GPC3: variants seen among roughly 807,000 people sequenced by gnomAD.
The protein encoded by GPC3 is glypican 3, also known as glypican-3.
A neutral mutation model predicts 34.4 loss-of-function variants in GPC3; 3 were observed. The ratio of observed to expected loss-of-function variants is 0.09; its 90% CI spans 0.04 to 0.23. The LOEUF is 0.23. Among genes scored for constraint, GPC3 ranks in the 10% least tolerant of loss-of-function variants. The probability of loss-of-function intolerance (pLI) is 1.00; values close to 1 mark genes in which losing one functional copy is unlikely to be tolerated. For synonymous variants in GPC3, 177 were observed against 174.0 expected, an observed-to-expected ratio of 1.02 and a Z score of -0.13; for missense variants, 351 against 445.6, an observed-to-expected ratio of 0.79 and a Z score of 1.91.
At chrX:133,642,980 AT>A (rs1261852573) in intron 6 of GPC3, among the ~76,000 whole-genome samples, 3 of 111,262 alleles carry the variant, frequency 2.7e-5, no homozygotes, top group Admixed American at 1.9e-4. Flanking sequence ...TAAGGAATTT[AT>A]TTCCCTAAGG....
At chrX:133,904,169 T>C (rs191775384) in intron 2 of GPC3, among the ~76,000 whole-genome samples, 27 of 112,206 alleles carry the variant, frequency 2.4e-4, no homozygotes, top group African/African-American at 8.7e-4. Context: ...TTTTAGTTCA[T>C]ACGTAATGAG....
chrX:133,888,037 T>C (rs759551586), intron 2 of GPC3, among the ~76,000 whole-genome samples: 1 of 109,982 alleles, frequency 9.1e-6, no homozygotes, highest in African/African-American at 3.3e-5. Context: ...ACCCGTCATC[T>C]ACATTAGGTA....
intron 1 of GPC3, among the ~76,000 whole-genome samples, chrX:133,968,444 G>C (rs1260175567): frequency 1.8e-5 from 2 of 112,077 alleles, no homozygotes; most frequent in African/African-American, 6.5e-5. Flanking sequence ...AGACTAACTG[G>C]GTTTGATTAA....
chrX:133,698,261 T>C (rs1415273147), intron 4 of GPC3, among the ~76,000 whole-genome samples: 2 of 111,817 alleles, frequency 1.8e-5, no homozygotes, highest in Admixed American at 9.5e-5. Context: ...GAAGATCTGA[T>C]TTCTTCTATT....
At chrX:133,791,836 CCTTCCTT>C (rs2072165205) in intron 2 of GPC3, among the ~76,000 whole-genome samples, 1 of 95,434 alleles carries the variant, frequency 1.0e-5, no homozygotes, top group African/African-American at 4.2e-5. Context: ...TTCCTTCCTT[CCTTCCTT>C]CCTTCCTCCC....
At chrX:133,744,791 AG>A (rs1473490329) in intron 3 of GPC3, among the ~76,000 whole-genome samples, 1 of 112,490 alleles carries the variant, frequency 8.9e-6, no homozygotes, top group Non-Finnish European at 1.9e-5. Flanking sequence ...GACTGGATAA[AG>A]AAAATGTGGT....
At chrX:133,570,323 T>TC (rs2069616788) in intron 7 of GPC3, among the ~76,000 whole-genome samples, 1 of 111,773 alleles carries the variant, frequency 8.9e-6, no homozygotes, top group Non-Finnish European at 1.9e-5. Flanking sequence ...TGCCTTGGCC[T>TC]CCCGAGTAGC....
chrX:133,963,851 C>T (rs1602565950), intron 1 of GPC3, among the ~76,000 whole-genome samples: 2 of 111,965 alleles, frequency 1.8e-5, no homozygotes, highest in East Asian at 5.6e-4. Context: ...AATTAATGAA[C>T]AAATATTAGT....
At chrX:133,857,748 A>G (rs2075911235) in intron 2 of GPC3, among the ~76,000 whole-genome samples, 1 of 111,597 alleles carries the variant, frequency 9.0e-6, no homozygotes, top group South Asian at 3.8e-4. Flanking sequence ...CACAAATCTC[A>G]CCATATGACA....
intron 3 of GPC3, among the ~76,000 whole-genome samples, chrX:133,749,839 G>A (rs1318591853): frequency 1.8e-5 from 2 of 111,164 alleles, no homozygotes; most frequent in East Asian, 5.7e-4. Flanking sequence ...CTTTTGCTTT[G>A]GGGCATTCTG....
Position 133,746,290 on chromosome X carries a change from A to C in GPC3, c.1032+7192T>G, listed in dbSNP as rs375894785. The stretch of plus-strand genomic sequence containing the variant: ...CCTGCCACATCAGTCCACTGACCAC[A>C]GAAAGGATGTAAAATTTCTCTCTAA... On this transcript the variant is annotated intron_variant, in intron 3 of 7. Coordinates refer to ENST00000370818, the MANE Select transcript of GPC3 (RefSeq NM_004484.4). Among the ~76,000 whole-genome samples the C allele has an allele frequency of 1.6e-4, 18 of 112,453 alleles. 1 individual carries two copies. In the South Asian group the frequency reaches 6.7e-3, roughly 42 times the overall value.
intron 2 of GPC3, among the ~76,000 whole-genome samples, chrX:133,920,369 T>A (rs1013327614): frequency 9.0e-6 from 1 of 111,355 alleles, no homozygotes; most frequent in Non-Finnish European, 1.9e-5. Flanking sequence ...AAGATCTTTT[T>A]AAAAGTTCAT....
chrX:133,687,587 A>AT (rs2071022803), intron 5 of GPC3, among the ~76,000 whole-genome samples: 2 of 106,438 alleles, frequency 1.9e-5, no homozygotes, highest in Non-Finnish European at 3.9e-5. Flanking sequence ...CACCCGGATA[A>AT]TTTTTTTAAA....
intron 7 of GPC3, among the ~76,000 whole-genome samples, chrX:133,559,494 A>C (rs189446019): frequency 2.1e-3 from 230 of 110,500 alleles, no homozygotes; most frequent in African/African-American, 7.2e-3. Flanking sequence ...AAGTACCAAA[A>C]CCCCCCGTAG....
intron 6 of GPC3, among the ~76,000 whole-genome samples, chrX:133,650,680 A>G (rs1028602830): frequency 9.0e-6 from 1 of 111,448 alleles, no homozygotes; most frequent in African/African-American, 3.3e-5. Context: ...TCTCCATTTC[A>G]GAAATTGATA....
intron 3 of GPC3, among the ~76,000 whole-genome samples, chrX:133,742,036 T>C (rs1227692747): frequency 8.9e-6 from 1 of 112,840 alleles, no homozygotes; most frequent in African/African-American, 3.2e-5. Flanking sequence ...AAGAGTTTTC[T>C]AGCGATAACT....
At chrX:133,666,046 G>T (rs1039057141) in intron 5 of GPC3, among the ~76,000 whole-genome samples, 1 of 111,612 alleles carries the variant, frequency 9.0e-6, no homozygotes, top group Non-Finnish European at 1.9e-5. Context: ...ATAGTGTAAA[G>T]ACATCTGCCA....
intron 2 of GPC3, among the ~76,000 whole-genome samples, chrX:133,891,799 C>CAA (rs780717414): frequency 1.8e-3 from 77 of 42,158 alleles, no homozygotes; most frequent in Admixed American, 4.2e-3. Flanking sequence ...GACCTTGTCT[C>CAA]AAAAAAAAAA....
intron 2 of GPC3, among the ~76,000 whole-genome samples, chrX:133,800,254 T>C (rs745659945): frequency 1.8e-5 from 2 of 112,748 alleles, no homozygotes; most frequent in Non-Finnish European, 3.7e-5. Flanking sequence ...TGGCTTTACC[T>C]GACCTCCACC....
Sources: allele counts gnomAD v4.1 joint callset (sites outside exome capture counted in the v4.1 genomes callset), GRCh38; gene constraint gnomAD v4.1.1; transcripts MANE v1.5; gene names NCBI Gene and HGNC (gene_info 2026-07-23, HGNC 2026-07-21).